Variants in PALM2AKAP2 observed in about 807,000 individuals in gnomAD.
PALM2AKAP2 encodes PALM2 and AKAP2 fusion.
Under a neutral mutation model 71.5 loss-of-function variants are expected in PALM2AKAP2, and 37 were observed. That is an observed-to-expected ratio of 0.52 (90% confidence interval 0.40 to 0.68). The LOEUF (loss-of-function observed/expected upper bound fraction) is 0.68, where lower values mean the gene tolerates loss of function less well. PALM2AKAP2 is among the 30% of genes least tolerant of loss of function. The pLI is 0.00. For missense variants in PALM2AKAP2, 1,224 were observed against 1,191.8 expected, an observed-to-expected ratio of 1.03 and a Z score of -0.40; for synonymous variants, 468 against 478.8, an observed-to-expected ratio of 0.98 and a Z score of 0.29.
chr9:109,789,245 A>G (rs888993543), intron 1 of PALM2AKAP2, among the ~76,000 whole-genome samples: 3 of 152,226 alleles, frequency 2.0e-5, no homozygotes, highest in African/African-American at 4.8e-5. Flanking sequence ...TGCCATACAT[A>G]TGATGGTGTA....
At chr9:109,862,982 C>T (rs1829355977) in intron 1 of PALM2AKAP2, 3 of 498,516 alleles carry the variant, frequency 6.0e-6, no homozygotes, top group Admixed American at 2.1e-5. Context: ...AGACAGGAGC[C>T]TCACTGGCTA....
Position 110,081,570 on chromosome 9 carries a change from G to C in PALM2AKAP2, c.156+32715G>C, listed in dbSNP as rs535121589. 2.0e-3 allele frequency among the ~76,000 whole-genome samples: 299 copies of C among 152,234 alleles called. 1 individual carries two copies. Among genetic ancestry groups the C allele is most frequent in the Non-Finnish European group, 3.0e-3 (206 of 67,996 alleles). ...GCTTGGGTCAATGTTCTATGAACAT[G>C]AATCTTTTCACAGAGAATCCCAGGG... On this transcript the variant is annotated intron_variant, in intron 1 of 3. Coordinates refer to ENST00000374525, the Ensembl canonical transcript of PALM2AKAP2.
chr9:109,946,317 C>T (rs1233035341), intron 6 of PALM2AKAP2: 1 of 152,144 alleles, frequency 6.6e-6, no homozygotes, highest in Non-Finnish European at 1.5e-5. Flanking sequence ...CATAACCAAA[C>T]TAATTAAAGA....
At chr9:109,667,236 G>T (rs1279847527) in intron 1 of PALM2AKAP2, among the ~76,000 whole-genome samples, 1 of 152,174 alleles carries the variant, frequency 6.6e-6, no homozygotes, top group Non-Finnish European at 1.5e-5. Flanking sequence ...GAAGAAAAGA[G>T]AATGATGACA....
intron 6 of PALM2AKAP2, chr9:109,946,736 A>G (rs930446940): frequency 2.0e-5 from 3 of 151,000 alleles, no homozygotes; most frequent in African/African-American, 4.9e-5. Flanking sequence ...TCCCTTTTAA[A>G]TAGAAAGAGG....
intron 7 of PALM2AKAP2, among the ~76,000 whole-genome samples, chr9:110,031,178 A>G (rs1482894981): frequency 3.9e-5 from 6 of 152,188 alleles, no homozygotes; most frequent in Non-Finnish European, 8.8e-5. Flanking sequence ...GCTGGAGTGC[A>G]GTGGCGCCAT....
chr9:109,877,737 C>T (rs557857436), intron 2 of PALM2AKAP2, among the ~76,000 whole-genome samples: 3 of 152,134 alleles, frequency 2.0e-5, no homozygotes, highest in Non-Finnish European at 2.9e-5. Flanking sequence ...CTCAGTGAGG[C>T]GAAGGAGCCT....
Position 110,098,746 on chromosome 9 carries a change from A to C in PALM2AKAP2, c.157-37381A>C, listed in dbSNP as rs75166371. 3.4e-3 allele frequency among the ~76,000 whole-genome samples: 518 copies of C among 152,352 alleles called. 17 individuals are homozygous for C. In the East Asian group the frequency reaches 0.06, roughly 18 times the overall value. ...CTGTCCTGGTATAGAACCAAAGTTT[A>C]ACTTAAGAAAGAATCGTGACGTGAC... On this transcript the variant is annotated intron_variant, in intron 1 of 3. Transcript: ENST00000374525.
At chr9:109,693,448 C>T (rs1425061641) in intron 1 of PALM2AKAP2, among the ~76,000 whole-genome samples, 1 of 151,596 alleles carries the variant, frequency 6.6e-6, no homozygotes, top group Non-Finnish European at 1.5e-5. Context: ...TTTTATTTTT[C>T]CAATTTCTGA....
chr9:109,782,206 G>A (rs971820148), intron 1 of PALM2AKAP2, among the ~76,000 whole-genome samples: 1 of 152,172 alleles, frequency 6.6e-6, no homozygotes, highest in African/African-American at 2.4e-5. Flanking sequence ...AGGCCAAGTC[G>A]ATTTTCCAAG....
chr9:110,014,808 ATAT>A (rs1832949256), intron 6 of PALM2AKAP2, among the ~76,000 whole-genome samples: 1 of 4,194 alleles, frequency 2.4e-4, no homozygotes, highest in African/African-American at 5.2e-4. Context: ...AAAAAAATGT[ATAT>A]ATATATATAT....
intron 1 of PALM2AKAP2, among the ~76,000 whole-genome samples, chr9:109,830,042 T>C (rs1047076025): frequency 6.6e-6 from 1 of 152,142 alleles, no homozygotes; most frequent in African/African-American, 2.4e-5. Flanking sequence ...TGTTTATGAT[T>C]TTAGTCTTTC....
intron 1 of PALM2AKAP2, among the ~76,000 whole-genome samples, chr9:110,051,790 T>C (rs1833715324): frequency 6.6e-6 from 1 of 152,242 alleles, no homozygotes; most frequent in African/African-American, 2.4e-5. Context: ...AACATAGTAC[T>C]CACTGCTTAG....
chr9:109,695,968 A>G (rs893241958), intron 1 of PALM2AKAP2, among the ~76,000 whole-genome samples: 3 of 152,190 alleles, frequency 2.0e-5, no homozygotes, highest in African/African-American at 7.2e-5. Flanking sequence ...GGGAGACTAT[A>G]GTTCACCATA....
intron 3 of PALM2AKAP2, among the ~76,000 whole-genome samples, 173 bp downstream of exon 3, chr9:109,880,854 GAC>G (rs1026894813): frequency 2.6e-5 from 4 of 152,158 alleles, no homozygotes; most frequent in African/African-American, 9.7e-5. Context: ...CCAGAGTTAT[GAC>G]ACAGAGTACT....
intron 3 of PALM2AKAP2, among the ~76,000 whole-genome samples, chr9:109,881,935 G>C (rs1482301627): frequency 7.1e-6 from 1 of 140,418 alleles, no homozygotes; most frequent in Non-Finnish European, 1.5e-5. Context: ...CTAGGCTGGA[G>C]TACAGTGGCA....
chr9:110,090,269 C>T (rs1041601617), intron 1 of PALM2AKAP2: 2 of 442,008 alleles, frequency 4.5e-6, no homozygotes, highest in Non-Finnish European at 4.6e-6. Context: ...TGGCAGAGGG[C>T]TGTGTTCCTG....
upstream of PALM2AKAP2, among the ~76,000 whole-genome samples, chr9:110,048,314 G>A (rs1274788791): frequency 6.6e-6 from 1 of 152,074 alleles, no homozygotes; most frequent in African/African-American, 2.4e-5. Context: ...GCGCACATAT[G>A]TGTACACCAA....
At chr9:110,114,140 A>G (rs1835311697) in intron 1 of PALM2AKAP2, among the ~76,000 whole-genome samples, 1 of 152,226 alleles carries the variant, frequency 6.6e-6, no homozygotes, top group African/African-American at 2.4e-5. Flanking sequence ...GAAGTCTGAA[A>G]TTACAGATGG....
Sources: gnomAD v4.1 joint callset for allele counts (sites outside exome capture counted in the v4.1 genomes callset) on GRCh38, gnomAD v4.1.1 for gene constraint, MANE v1.5 for transcripts, NCBI Gene and HGNC (gene_info 2026-07-23, HGNC 2026-07-21) for gene names.